Variants in FBLN2 observed in about 807,000 individuals in gnomAD.
FBLN2 encodes fibulin 2.
Under a neutral mutation model 123.7 loss-of-function variants are expected in FBLN2, and 81 were observed. That is an observed-to-expected ratio of 0.65 (90% CI 0.55 to 0.79). The LOEUF is 0.79. Among genes scored for constraint, FBLN2 ranks in the 30% least tolerant of loss-of-function variants. FBLN2 has a pLI of 0.00. For synonymous variants in FBLN2, 699 were observed against 701.4 expected (o/e 1.00, Z 0.05); for missense variants, 1,603 against 1,681.3 (o/e 0.95, Z 0.81).
At chr3:13,557,799 T>C (rs1279123211) in intron 1 of FBLN2, among the ~76,000 whole-genome samples, 1 of 152,270 alleles carries the variant, frequency 6.6e-6, no homozygotes, top group Non-Finnish European at 1.5e-5. Context: ...AGACCCACTG[T>C]GCAGATGAAA....
intron 2 of FBLN2, among the ~76,000 whole-genome samples, chr3:13,585,612 G>A (rs958767139): frequency 3.3e-5 from 5 of 152,176 alleles, no homozygotes; most frequent in East Asian, 1.9e-4. Flanking sequence ...CAAACCTACC[G>A]CACTGCCAGT....
At chr3:13,628,057 AG>A in intron 11 of FBLN2, 88 bp downstream of exon 11, 1 of 1,480,724 alleles carries the variant, frequency 6.8e-7, no homozygotes, top group Non-Finnish European at 9.0e-7. Flanking sequence ...GAGACCAGGG[AG>A]GCCTGGCTTG....
At chr3:13,584,589 G>T (rs750356775) in intron 2 of FBLN2, among the ~76,000 whole-genome samples, 3 of 152,230 alleles carry the variant, frequency 2.0e-5, no homozygotes, top group African/African-American at 7.2e-5. Context: ...GGGAGTAGCC[G>T]TGGCCATAGG....
chr3:13,549,317 C>T, intron 1 of FBLN2, 109 bp downstream of exon 1: 1 of 737,754 alleles, frequency 1.4e-6, no homozygotes, highest in Non-Finnish European at 1.7e-6. Flanking sequence ...GACCCTCGGA[C>T]GCGCCTCGCG....
chr3:13,621,463 C>T (rs1419090031), intron 8 of FBLN2, among the ~76,000 whole-genome samples: 1 of 152,158 alleles, frequency 6.6e-6, no homozygotes, highest in Non-Finnish European at 1.5e-5. Flanking sequence ...GGGCATGGTT[C>T]TCTTGGCGCC....
At position 13,631,608 on chromosome 3, in the gene FBLN2, T is replaced by C. The variant is rs1009162642; in HGVS notation, c.3214+151T>C. Among the ~76,000 whole-genome samples, 74 of 152,238 alleles carry C rather than the reference T, an allele frequency of 4.9e-4. 4 individuals are homozygous for C. The highest frequency in any genetic ancestry group is 4.4e-5 in the Non-Finnish European group (3 of 68,048). Reference sequence around the variant, plus strand: ...TGGCCAATGCTACCAGTGGCCATGTTAACTGAGGTTGTGCCTGGGATGAAG... The same window carrying C: ...TGGCCAATGCTACCAGTGGCCATGTCAACTGAGGTTGTGCCTGGGATGAAG... On this transcript the variant is annotated intron_variant, in intron 16 of 17. Coordinates refer to ENST00000404922, the MANE Select transcript of FBLN2 (RefSeq NM_001004019.2).
chr3:13,633,985 A>T (rs928958118), intron 16 of FBLN2, among the ~76,000 whole-genome samples: 14 of 151,612 alleles, frequency 9.2e-5, no homozygotes, highest in Admixed American at 6.6e-4. Context: ...ACACACACAC[A>T]CACACACACA....
chr3:13,597,758 C>T (rs1249936279), intron 2 of FBLN2, among the ~76,000 whole-genome samples: 1 of 152,220 alleles, frequency 6.6e-6, no homozygotes, highest in African/African-American at 2.4e-5. Context: ...TGCTCTGTGC[C>T]ACTTGGCGTG....
intron 16 of FBLN2, among the ~76,000 whole-genome samples, chr3:13,635,996 G>C (rs2124915308): frequency 6.6e-6 from 1 of 152,244 alleles, no homozygotes; most frequent in Non-Finnish European, 1.5e-5. Context: ...CAAGATCTGA[G>C]AGTTAAAAGA....
intron 1 of FBLN2, among the ~76,000 whole-genome samples, chr3:13,558,195 C>G (rs1488682774): frequency 6.6e-6 from 1 of 152,184 alleles, no homozygotes; most frequent in Non-Finnish European, 1.5e-5. Flanking sequence ...CTGGTTCTGC[C>G]GTAGGCCGGC....
At chr3:13,553,625 CCT>C (rs1703385002) in intron 1 of FBLN2, among the ~76,000 whole-genome samples, 2 of 152,236 alleles carry the variant, frequency 1.3e-5, no homozygotes, top group Admixed American at 6.5e-5. Context: ...TGCAGAAATG[CCT>C]CTCTCTCCCC....
At chr3:13,621,696 TCTC>T in intron 8 of FBLN2, 76 bp from the exon 9 acceptor site, 1 of 1,523,354 alleles carries the variant, frequency 6.6e-7, no homozygotes, top group Non-Finnish European at 9.0e-7. Context: ...TGGGTCTCAT[TCTC>T]CTGTCACTGG....
At position 13,630,807 on chromosome 3, in the gene FBLN2, C is replaced by T; in HGVS notation, c.3077C>T (p.Thr1026Ile). The T allele has an allele frequency of 1.2e-6, 2 of 1,600,118 alleles. No individual in the cohort carries two copies. The highest frequency in any genetic ancestry group is 1.7e-6 in the Non-Finnish European group (2 of 1,173,216). Reference sequence around the variant, plus strand: ...TACCAGCTGGCTGAGGATGGGCACACCTGCACAGGTACCTCTCCCCTGTCC... The same window carrying T: ...TACCAGCTGGCTGAGGATGGGCACATCTGCACAGGTACCTCTCCCCTGTCC... ...QGYQLAEDGH[T>I]CTDIDECAQG... The change falls in exon 15 of 18, where the codon ACC (threonine) becomes ATC (isoleucine). Residue 1026 changes from threonine to isoleucine, a missense_variant. Physicochemically the swap from Thr to Ile is moderately conservative, Grantham distance 89. Coordinates refer to ENST00000404922, the MANE Select transcript of FBLN2 (RefSeq NM_001004019.2).
chr3:13,620,171 G>A (rs1315325637), intron 8 of FBLN2, among the ~76,000 whole-genome samples: 1 of 152,120 alleles, frequency 6.6e-6, no homozygotes, highest in Non-Finnish European at 1.5e-5. Context: ...GCAGTCCTGA[G>A]ATTCTGCCGA....
chr3:13,626,089 G>A (rs960010643), intron 9 of FBLN2, among the ~76,000 whole-genome samples: 1 of 152,012 alleles, frequency 6.6e-6, no homozygotes, highest in Non-Finnish European at 1.5e-5. Flanking sequence ...CCTGTCTCCT[G>A]CGTCCTGCTC....
chr3:13,607,633 A>G (rs936353827), intron 2 of FBLN2, among the ~76,000 whole-genome samples: 24 of 152,168 alleles, frequency 1.6e-4, no homozygotes, highest in African/African-American at 5.8e-4. Context: ...TGGGTTCCTT[A>G]GAAGCAGAGC....
chr3:13,586,876 G>A (rs1395813573), intron 2 of FBLN2, among the ~76,000 whole-genome samples: 9 of 151,152 alleles, frequency 6.0e-5, no homozygotes, highest in Admixed American at 1.3e-4. Context: ...GGCTGGGTGC[G>A]GTGGCTTATG....
chr3:13,613,516 G>A (rs1705471525), intron 4 of FBLN2, among the ~76,000 whole-genome samples: 1 of 152,172 alleles, frequency 6.6e-6, no homozygotes, highest in African/African-American at 2.4e-5. Context: ...GGCCCAAGTT[G>A]GCTGCTAAAG....
At chr3:13,570,210 G>A (rs1006662658) in intron 1 of FBLN2, 105 bp from the exon 2 acceptor site, 28 of 1,257,726 alleles carry the variant, frequency 2.2e-5, no homozygotes, top group African/African-American at 2.0e-4. Context: ...GAGCGCATGC[G>A]TGTGAGGTGG....
Sources: gnomAD v4.1 joint callset for allele counts (sites outside exome capture counted in the v4.1 genomes callset) on GRCh38, gnomAD v4.1.1 for gene constraint, MANE v1.5 for transcripts, NCBI Gene and HGNC (gene_info 2026-07-23, HGNC 2026-07-21) for gene names.